The following NUDT13 variants were observed in gnomAD, a reference collection of about 807,000 sequenced individuals.
The protein encoded by NUDT13 is nudix hydrolase 13.
In NUDT13, 40 loss-of-function variants were observed where a neutral mutation model predicts 41.7. That is an observed-to-expected ratio of 0.96 (90% CI 0.75 to 1.25). The LOEUF is 1.25. Among genes scored for constraint, NUDT13 ranks in the 50% most tolerant of loss-of-function variants. The pLI is 0.00. For synonymous variants in NUDT13, 145 were observed against 155.5 expected (o/e 0.93, Z 0.50); for missense variants, 390 against 416.1 (o/e 0.94, Z 0.55).
chr10:73,121,513 T>C (rs528482267), intron 3 of NUDT13, among the ~76,000 whole-genome samples: 3 of 152,290 alleles, frequency 2.0e-5, no homozygotes, highest in South Asian at 4.1e-4. Context: ...AACAAGTGTA[T>C]AGGATTTCTC....
At chr10:73,113,728 A>T (rs1432339310) in intron 1 of NUDT13, among the ~76,000 whole-genome samples, 1 of 152,230 alleles carries the variant, frequency 6.6e-6, no homozygotes, top group African/African-American at 2.4e-5. Context: ...AGAATTCATC[A>T]TCAGTGATTC....
At chr10:73,126,317 C>T in intron 7 of NUDT13, 1 of 188,540 alleles carries the variant, frequency 5.3e-6, no homozygotes, top group South Asian at 1.4e-4. Context: ...ACACTTCTTC[C>T]TATTTCAGCA....
chr10:73,123,803 C>T (rs988267906), intron 4 of NUDT13, among the ~76,000 whole-genome samples: 3 of 152,078 alleles, frequency 2.0e-5, no homozygotes, highest in Non-Finnish European at 4.4e-5. Flanking sequence ...GGATTACAGG[C>T]GCCCACCACC....
At chr10:73,112,679 C>G (rs1342519670) in intron 1 of NUDT13, among the ~76,000 whole-genome samples, 1 of 151,386 alleles carries the variant, frequency 6.6e-6, no homozygotes, top group Non-Finnish European at 1.5e-5. Context: ...TAGTAATTTC[C>G]AAGTATATAA....
intron 2 of NUDT13, among the ~76,000 whole-genome samples, chr10:73,116,172 T>C (rs1842501652): frequency 6.6e-6 from 1 of 151,936 alleles, no homozygotes. Context: ...CATGCCTGGC[T>C]AATTTTTTTT....
intron 3 of NUDT13, 40 bp downstream of exon 3, chr10:73,120,197 G>C: frequency 6.3e-7 from 1 of 1,594,638 alleles, no homozygotes; most frequent in Non-Finnish European, 8.6e-7. Context: ...CCAGCCTGTG[G>C]CCACTACGCA....
intron 1 of NUDT13, among the ~76,000 whole-genome samples, chr10:73,112,378 A>G (rs1404114919): frequency 6.6e-6 from 1 of 151,696 alleles, no homozygotes; most frequent in Non-Finnish European, 1.5e-5. Context: ...AGAAAAATAT[A>G]ATTAAATACA....
intron 4 of NUDT13, 103 bp from the exon 5 acceptor site, chr10:73,124,110 AC>A: frequency 1.3e-6 from 1 of 751,460 alleles, no homozygotes; most frequent in Non-Finnish European, 2.3e-6. Flanking sequence ...GCTGAATCTT[AC>A]GAGGCAAGTT....
At position 73,125,463 on chromosome 10, in the gene NUDT13, C is replaced by G. The variant is rs1020431233; in HGVS notation, c.657C>G (p.Ser219=). Residue 219 remains serine, a synonymous_variant, in exon 7 of 9, where the codon TCC becomes TCG. Coordinates refer to ENST00000357321, the MANE Select transcript of NUDT13 (RefSeq NM_015901.6). ...GTRCLLARQS[S]FPKGMYSALA... is the part of the protein sequence containing the mutation. Reference sequence around the variant, plus strand: ...GATGCCTGCTTGCCCGCCAAAGCTCCTTTCCCAAGGGAATGTATTCTGCCT... The same window carrying G: ...GATGCCTGCTTGCCCGCCAAAGCTCGTTTCCCAAGGGAATGTATTCTGCCT... 15 of 1,611,944 alleles carry G rather than the reference C, an allele frequency of 9.3e-6. No individual in the cohort carries two copies. Among genetic ancestry groups the G allele is most frequent in the Non-Finnish European group, 1.3e-5 (15 of 1,179,266 alleles).
In NUDT13 at chr10:73,122,207, G is replaced by A. The variant is rs368775825; in HGVS notation, c.256G>A (p.Asp86Asn). Residue 86 changes from aspartate to asparagine, a missense_variant, in exon 4 of 9, where the codon GAT (aspartate) becomes AAT (asparagine). Physicochemically the swap from Asp to Asn is conservative, Grantham distance 23 (BLOSUM62 1). Coordinates refer to ENST00000357321, the MANE Select transcript of NUDT13 (RefSeq NM_015901.6). The part of the protein sequence containing the change: ...LERLLGKFGQ[D>N]AQRIEDSVLI... Reference sequence around the variant, plus strand: ...AAGGCTCCTGGGTAAATTTGGACAGGATGCACAAAGAATAGAAGATTCTGT... The same window carrying A: ...AAGGCTCCTGGGTAAATTTGGACAGAATGCACAAAGAATAGAAGATTCTGT... 1.1e-5 allele frequency: 17 copies of A among 1,613,654 alleles called. No homozygotes were observed. The highest frequency in any genetic ancestry group is 1.4e-5 in the Non-Finnish European group (17 of 1,179,920).
At chr10:73,122,115 T>C in intron 3 of NUDT13, 60 bp from the exon 4 acceptor site, 2 of 1,561,054 alleles carry the variant, frequency 1.3e-6, no homozygotes, top group Non-Finnish European at 1.7e-6. Flanking sequence ...AATATGGCTG[T>C]AGTGATTTAA....
chr10:73,117,697 AG>A (rs760681127), intron 2 of NUDT13, among the ~76,000 whole-genome samples: 30 of 152,302 alleles, frequency 2.0e-4, no homozygotes, highest in Admixed American at 5.2e-4. Flanking sequence ...GATGTATAAT[AG>A]TAATCGCTTA....
chr10:73,117,174 C>T (rs1191013524), intron 2 of NUDT13, among the ~76,000 whole-genome samples: 2 of 151,348 alleles, frequency 1.3e-5, no homozygotes, highest in Admixed American at 6.6e-5. Flanking sequence ...TACGCCACCA[C>T]GCCTGGCCAA....
intron 2 of NUDT13, chr10:73,115,037 A>G (rs1373111834): frequency 6.6e-6 from 1 of 152,206 alleles, no homozygotes; most frequent in African/African-American, 2.4e-5. Context: ...AGCTGAACAC[A>G]TGGAAGTTCC....
intron 5 of NUDT13, 148 bp from the exon 6 acceptor site, chr10:73,124,970 G>A: frequency 1.2e-6 from 1 of 848,248 alleles, no homozygotes; most frequent in Non-Finnish European, 1.7e-6. Context: ...TACTTGTCCT[G>A]AAATTTAAAC....
chr10:73,121,307 C>G (rs757884485), intron 3 of NUDT13, among the ~76,000 whole-genome samples: 2 of 152,274 alleles, frequency 1.3e-5, no homozygotes, highest in East Asian at 3.9e-4. Context: ...TACTAACTTC[C>G]GTATTGCCAG....
chr10:73,131,039 A>C lies in NUDT13; in HGVS notation c.*136A>C. On this transcript the variant is annotated 3_prime_UTR_variant, in exon 9 of 9. Transcript: ENST00000357321. ...CAGAGCAAAGGGTGAGCCTACAGTA[A>C]GACACTTCTATCAGCAGTGTTAATG... The C allele has an allele frequency of 1.6e-6, 1 of 643,762 alleles. No individual in the cohort carries two copies. Among genetic ancestry groups the C allele is most frequent in the Non-Finnish European group, 2.7e-6 (1 of 373,428 alleles). The allele number at this position is 643,762 out of a possible 1,614,324, so 39.9% of individuals were successfully genotyped here.
intron 3 of NUDT13, among the ~76,000 whole-genome samples, chr10:73,120,642 T>C (rs191375758): frequency 1.3e-5 from 2 of 152,172 alleles, no homozygotes; most frequent in African/African-American, 4.8e-5. Context: ...TTATGCTAAT[T>C]CAGAGTTCCA....
chr10:73,125,830 A>G (rs59313030), intron 7 of NUDT13, among the ~76,000 whole-genome samples: 23,497 of 151,196 alleles, frequency 0.16, 3,047 homozygotes, highest in African/African-American at 0.33. Context: ...GACTACAGGC[A>G]CAGGCTACCA....
Sources: gnomAD v4.1 joint callset for allele counts (sites outside exome capture counted in the v4.1 genomes callset) on GRCh38, gnomAD v4.1.1 for gene constraint, MANE v1.5 for transcripts, NCBI Gene and HGNC (gene_info 2026-07-23, HGNC 2026-07-21) for gene names.